HAPLN1: variants seen among roughly 807,000 people sequenced by gnomAD.
HAPLN1 encodes the protein Cartilage link protein.
In HAPLN1, 13 loss-of-function variants were observed where a neutral mutation model predicts 36.5. The observed-to-expected ratio is 0.36, with a 90% CI of 0.23 to 0.57. HAPLN1 has a LOEUF of 0.57. HAPLN1 is among the 20% of genes least tolerant of loss of function. HAPLN1 has a pLI of 0.83. For missense variants in HAPLN1, 407 were observed against 439.7 expected (o/e 0.93, Z 0.66); for synonymous variants, 202 against 169.8 (o/e 1.19, Z -1.48).
intron 1 of HAPLN1, among the ~76,000 whole-genome samples, chr5:83,695,631 G>GATATCTATAGATATATATCTAT (rs1450246330): frequency 1.3e-5 from 1 of 78,588 alleles, no homozygotes; most frequent in Non-Finnish European, 3.5e-5. Flanking sequence ...TATCTATATA[G>GATATCTATAGATATATATCTAT]ATAAATATAT....
intron 1 of HAPLN1, among the ~76,000 whole-genome samples, chr5:83,713,027 G>A (rs1384051527): frequency 6.6e-6 from 1 of 152,020 alleles, no homozygotes; most frequent in Admixed American, 6.6e-5. Flanking sequence ...TGCATTCTGT[G>A]GCAAACTCAT....
At chr5:83,668,869 C>G (rs966291406) in intron 2 of HAPLN1, among the ~76,000 whole-genome samples, 1 of 152,102 alleles carries the variant, frequency 6.6e-6, no homozygotes, top group African/African-American at 2.4e-5. Context: ...GTTCAGGACA[C>G]GCAGCAGGAG....
intron 4 of HAPLN1, among the ~76,000 whole-genome samples, chr5:83,642,619 T>A (rs1012726389): frequency 2.0e-5 from 3 of 152,196 alleles, no homozygotes; most frequent in African/African-American, 7.2e-5. Context: ...TTCTTATACA[T>A]CTTAGTTTTA....
intron 1 of HAPLN1, among the ~76,000 whole-genome samples, chr5:83,675,124 T>G (rs913808138): frequency 6.6e-6 from 1 of 152,186 alleles, no homozygotes; most frequent in African/African-American, 2.4e-5. Flanking sequence ...TTGTTGGTTG[T>G]TTGTAGTCAC....
intron 1 of HAPLN1, among the ~76,000 whole-genome samples, chr5:83,715,949 T>C (rs1477911089): frequency 6.6e-6 from 1 of 152,218 alleles, no homozygotes; most frequent in Non-Finnish European, 1.5e-5. Flanking sequence ...TTCTGATTAT[T>C]TTAGAATGGA....
At position 83,652,939 on chromosome 5, in the gene HAPLN1, GT is replaced by G. The variant is rs2112567749; in HGVS notation, c.101-116del. On this transcript the variant is annotated intron_variant, in intron 2 of 4. Coordinates refer to ENST00000274341, the MANE Select transcript of HAPLN1 (RefSeq NM_001884.4). ...ATCTGACAAAGGATAGCTTTGAGTG[GT>G]TAGCTTCTCTACGTAATCTCTTTTG... is the stretch of plus-strand genomic sequence containing the variant. The G allele has an allele frequency of 6.9e-6, 7 of 1,016,332 alleles. No individual in the cohort carries two copies. In the South Asian group the frequency reaches 1.1e-4, roughly 16 times the overall value. 63.0% of individuals were successfully genotyped at this position (1,016,332 alleles called of 1,614,324 possible).
chr5:83,705,436 C>T (rs551509148), intron 1 of HAPLN1, among the ~76,000 whole-genome samples: 43 of 145,682 alleles, frequency 3.0e-4, no homozygotes, highest in Non-Finnish European at 5.4e-4. Context: ...CTCAAAACCA[C>T]GGAATTACAT....
chr5:83,701,848 C>A (rs1240297846), intron 1 of HAPLN1, among the ~76,000 whole-genome samples: 1 of 152,016 alleles, frequency 6.6e-6, no homozygotes, highest in Non-Finnish European at 1.5e-5. Flanking sequence ...ATTGCTTGAA[C>A]CCGGGAGACG....
chr5:83,665,193 A>C (rs1750519879), intron 2 of HAPLN1, among the ~76,000 whole-genome samples: 3 of 152,198 alleles, frequency 2.0e-5, no homozygotes, highest in Admixed American at 2.0e-4. Context: ...AAAAAAGAGA[A>C]TAAAAAGCCT....
At chr5:83,706,518 T>A (rs1246196080) in intron 1 of HAPLN1, among the ~76,000 whole-genome samples, 1 of 152,120 alleles carries the variant, frequency 6.6e-6, no homozygotes, top group Non-Finnish European at 1.5e-5. Flanking sequence ...AGGCTTTCAA[T>A]AAATTTCAAC....
intron 1 of HAPLN1, among the ~76,000 whole-genome samples, chr5:83,694,009 G>A (rs1002716766): frequency 2.6e-5 from 4 of 151,850 alleles, no homozygotes; most frequent in Non-Finnish European, 4.4e-5. Flanking sequence ...CTTTTCAAAT[G>A]CATACCAACC....
chr5:83,658,344 A>G (rs1228560224), intron 2 of HAPLN1, among the ~76,000 whole-genome samples: 2 of 152,282 alleles, frequency 1.3e-5, no homozygotes, highest in Admixed American at 6.5e-5. Flanking sequence ...TTTCTCCAGC[A>G]TCAACATAGT....
chr5:83,645,426 T>C (rs1749830958), intron 3 of HAPLN1, among the ~76,000 whole-genome samples: 1 of 151,204 alleles, frequency 6.6e-6, no homozygotes, highest in Admixed American at 6.6e-5. Context: ...CTGTAAACTC[T>C]CTTAAAACAT....
intron 4 of HAPLN1, among the ~76,000 whole-genome samples, chr5:83,642,977 A>G (rs1403752483): frequency 6.6e-6 from 1 of 152,170 alleles, no homozygotes; most frequent in Non-Finnish European, 1.5e-5. Flanking sequence ...CCTTTGCAGC[A>G]GACACCATAT....
At chr5:83,683,760 A>G (rs183646059) in intron 1 of HAPLN1, among the ~76,000 whole-genome samples, 1 of 152,334 alleles carries the variant, frequency 6.6e-6, no homozygotes, top group African/African-American at 2.4e-5. Flanking sequence ...CATCACTCTC[A>G]GAGGTTAGTA....
chr5:83,652,403 G>A (rs761843236), intron 3 of HAPLN1, 50 bp downstream of exon 3: 1 of 1,523,810 alleles, frequency 6.6e-7, no homozygotes, highest in Non-Finnish European at 8.8e-7. Flanking sequence ...GAAAAAAAAA[G>A]CAACTATTAA....
intron 1 of HAPLN1, among the ~76,000 whole-genome samples, chr5:83,678,265 T>G (rs1750910905): frequency 6.7e-6 from 1 of 149,442 alleles, no homozygotes; most frequent in African/African-American, 2.4e-5. Context: ...ATTAAAAATG[T>G]TACTTTAAAA....
chr5:83,668,391 T>C (rs185787033), intron 2 of HAPLN1, among the ~76,000 whole-genome samples: 4 of 152,334 alleles, frequency 2.6e-5, no homozygotes, highest in Non-Finnish European at 4.4e-5. Flanking sequence ...ATAAACGGAC[T>C]TTTATCAGCC....
Position 83,640,382 on chromosome 5 carries a change from T to G in HAPLN1, c.*1114A>C, listed in dbSNP as rs1167843994. On this transcript the variant is annotated 3_prime_UTR_variant, in exon 5 of 5. Coordinates refer to ENST00000274341, the MANE Select transcript of HAPLN1 (RefSeq NM_001884.4). ...GACATCATTAACCACATTTTCTGTTTGGGATAAGGTTTAGAACTACACTGT... is the reference window on the plus strand; with the variant it reads ...GACATCATTAACCACATTTTCTGTTGGGGATAAGGTTTAGAACTACACTGT... 5 of 152,110 alleles carry G rather than the reference T, an allele frequency of 3.3e-5. No individual in the cohort carries two copies. Among genetic ancestry groups the G allele is most frequent in the Admixed American group, 6.5e-5 (1 of 15,268 alleles). The allele number at this position is 152,110 out of a possible 1,614,324, so 9.4% of individuals were successfully genotyped here. A position where few individuals can be genotyped will look rare whatever the true frequency, so the allele number is the denominator to read the frequency against.
Sources: gnomAD v4.1 joint callset for allele counts (sites outside exome capture counted in the v4.1 genomes callset) on GRCh38, gnomAD v4.1.1 for gene constraint, MANE v1.5 for transcripts, NCBI Gene and HGNC (gene_info 2026-07-23, HGNC 2026-07-21) for gene names.